The following PKHD1 variants were observed in gnomAD, a reference collection of about 807,000 sequenced individuals.
The protein encoded by PKHD1 is PKHD1 ciliary IPT domain containing fibrocystin/polyductin, also known as fibrocystin.
Under a neutral mutation model 412.0 loss-of-function variants are expected in PKHD1, and 291 were observed. That is an observed-to-expected ratio of 0.71 (90% CI 0.64 to 0.78). The LOEUF is 0.78. PKHD1 is among the 30% of genes least tolerant of loss of function. PKHD1 has a pLI of 0.00. For missense variants in PKHD1, 4,825 were observed against 4,950.7 expected, an observed-to-expected ratio of 0.97 and a Z score of 0.76; for synonymous variants, 1,777 against 1,821.5, an observed-to-expected ratio of 0.98 and a Z score of 0.62.
chr6:51,983,371 T>C (rs1244433578), intron 35 of PKHD1, among the ~76,000 whole-genome samples: 1 of 152,206 alleles, frequency 6.6e-6, no homozygotes, highest in African/African-American at 2.4e-5. Flanking sequence ...AAACAGCATA[T>C]GAGCACATAA....
chr6:51,959,965 C>CT lies in PKHD1; in HGVS notation c.5812dup (p.Arg1938LysfsTer22). The CT allele has an allele frequency of 6.2e-7, 1 of 1,613,502 alleles. No homozygotes were observed. Among genetic ancestry groups the CT allele is most frequent in the South Asian group, 1.1e-5 (1 of 91,060 alleles). On this transcript the variant is annotated frameshift_variant, in exon 36 of 67. Coordinates refer to ENST00000371117, the MANE Select transcript of PKHD1 (RefSeq NM_138694.4). LOFTEE classifies it high-confidence loss of function. ...GACGTTGTCGCCATCTTGTGGCAGC[C>CT]TTTCAGGAAACCAGCTGTGAGTCCT...
chr6:51,699,920 A>AGTGTGTATGTATGTGTGTGTGT (rs57760395), intron 60 of PKHD1, among the ~76,000 whole-genome samples: 2 of 137,812 alleles, frequency 1.5e-5, no homozygotes, highest in Admixed American at 1.5e-4. Context: ...ATATATATGG[A>AGTGTGTATGTATGTGTGTGTGT]GTGTGTGTGT....
chr6:51,721,208 T>G, intron 60 of PKHD1: 1 of 945,036 alleles, frequency 1.1e-6, no homozygotes, highest in Non-Finnish European at 1.3e-6. Context: ...GATTTTGCAA[T>G]TCAAAAAATT....
intron 60 of PKHD1, among the ~76,000 whole-genome samples, chr6:51,683,393 G>A (rs1256207498): frequency 6.6e-6 from 1 of 152,072 alleles, no homozygotes; most frequent in East Asian, 1.9e-4. Context: ...TTGAGGCAAA[G>A]TAGTGGCTGG....
chr6:51,891,738 C>T (rs1036659554), intron 43 of PKHD1, among the ~76,000 whole-genome samples: 1 of 151,870 alleles, frequency 6.6e-6, no homozygotes, highest in South Asian at 2.1e-4. Context: ...CACACACACA[C>T]ACACACACAC....
Position 51,748,578 on chromosome 6 carries a change from G to T in PKHD1, c.9038C>A (p.Ser3013Tyr), listed in dbSNP as rs1234716888. Reference sequence around the variant, plus strand: ...GTGCAGAGTAGATGATATGATCCAGGATCCTGCTGACACATTACTGAATTC... The same window carrying T: ...GTGCAGAGTAGATGATATGATCCAGTATCCTGCTGACACATTACTGAATTC... ...SVEFSNVSAGSWIISSTLHQS... is the reference protein window; with the variant it reads ...SVEFSNVSAGYWIISSTLHQS... Residue 3013 changes from serine (S) to tyrosine (Y), a missense_variant, in exon 58 of 67, where the codon TCC becomes TAC. Coordinates refer to ENST00000371117, the MANE Select transcript of PKHD1 (RefSeq NM_138694.4). 1.9e-6 allele frequency: 3 copies of T among 1,613,436 alleles called. No individual in the cohort carries two copies. The South Asian group carries it at 3.3e-5, about 18-fold the overall frequency.
intron 21 of PKHD1, among the ~76,000 whole-genome samples, chr6:52,051,359 G>A (rs1216102713): frequency 6.6e-6 from 1 of 152,170 alleles, no homozygotes; most frequent in Admixed American, 6.5e-5. Context: ...TTAGTCAGGG[G>A]AATATCATCA....
intron 49 of PKHD1, among the ~76,000 whole-genome samples, chr6:51,854,116 T>G (rs983184691): frequency 1.3e-5 from 2 of 152,116 alleles, no homozygotes; most frequent in Non-Finnish European, 2.9e-5. Flanking sequence ...GGGGCCTTTT[T>G]GTTGTTTTTG....
intron 39 of PKHD1, 108 bp downstream of exon 39, chr6:51,911,691 G>T (rs1211975899): frequency 3.1e-6 from 3 of 978,552 alleles, no homozygotes. Flanking sequence ...CAAAGTTTAA[G>T]GGCTTATTCT....
intron 53 of PKHD1, among the ~76,000 whole-genome samples, chr6:51,785,523 G>A (rs1326557): frequency 0.59 from 89,150 of 151,986 alleles, 26,903 homozygotes; most frequent in East Asian, 0.83. Flanking sequence ...TGTCAAAACT[G>A]TATTTATCAG....
intron 20 of PKHD1, 32 bp from the exon 21 acceptor site, chr6:52,053,283 T>C: frequency 6.2e-7 from 1 of 1,611,176 alleles, no homozygotes; most frequent in South Asian, 1.1e-5. Flanking sequence ...AACTGGGCTC[T>C]CAGGGAGCAC....
chr6:51,910,240 C>G (rs1033686440), intron 39 of PKHD1, among the ~76,000 whole-genome samples: 2 of 152,050 alleles, frequency 1.3e-5, no homozygotes, highest in Non-Finnish European at 2.9e-5. Context: ...TTTGGTGGTA[C>G]AAACTAATCT....
At chr6:52,046,311 G>T in intron 23 of PKHD1, 123 bp from the exon 24 acceptor site, 1 of 825,434 alleles carries the variant, frequency 1.2e-6, no homozygotes, top group Non-Finnish European at 2.1e-6. Flanking sequence ...AGACCCTTCT[G>T]TCAAAGTAGA....
At chr6:51,921,621 C>G (rs1021282157) in intron 37 of PKHD1, among the ~76,000 whole-genome samples, 2 of 152,136 alleles carry the variant, frequency 1.3e-5, no homozygotes, top group African/African-American at 4.8e-5. Flanking sequence ...AGGCTTTGTT[C>G]ATTTCTTTTA....
chr6:52,033,230 G>C, intron 28 of PKHD1, 65 bp from the exon 29 acceptor site: 1 of 1,234,810 alleles, frequency 8.1e-7, no homozygotes, highest in Non-Finnish European at 1.2e-6. Flanking sequence ...CTTAAGGGAA[G>C]AGAACTCCAT....
chr6:52,043,772 T>C (rs779878435), intron 25 of PKHD1, 42 bp from the exon 26 acceptor site: 17 of 1,340,686 alleles, frequency 1.3e-5, no homozygotes, highest in Non-Finnish European at 1.6e-5. Flanking sequence ...ATGCATTTCA[T>C]ATCTACCAGG....
intron 63 of PKHD1, 151 bp from the exon 64 acceptor site, chr6:51,639,107 A>T: frequency 1.4e-6 from 1 of 707,866 alleles, no homozygotes; most frequent in Non-Finnish European, 2.6e-6. Flanking sequence ...TTCTTAGTCA[A>T]GACTTAGAAC....
At chr6:51,934,879 A>G (rs1473268816) in intron 36 of PKHD1, among the ~76,000 whole-genome samples, 1 of 152,188 alleles carries the variant, frequency 6.6e-6, no homozygotes, top group Non-Finnish European at 1.5e-5. Context: ...CAAGCAAGAC[A>G]TCTTATCCTA....
chr6:52,016,647 AAAAAAAAG>A (rs1201236662), intron 34 of PKHD1, among the ~76,000 whole-genome samples: 2 of 151,710 alleles, frequency 1.3e-5, no homozygotes. Context: ...AAAAAAAAAA[AAAAAAAAG>A]AAAAGAAAAA....
Sources: gnomAD v4.1 joint callset for allele counts (sites outside exome capture counted in the v4.1 genomes callset) on GRCh38, gnomAD v4.1.1 for gene constraint, MANE v1.5 for transcripts, NCBI Gene and HGNC (gene_info 2026-07-23, HGNC 2026-07-21) for gene names.